ACSM2B: variants seen among roughly 807,000 people sequenced by gnomAD.
ACSM2B encodes the protein acyl-CoA synthetase medium chain family member 2B, also known as acyl-coenzyme A synthetase ACSM2B, mitochondrial.
Under a neutral mutation model 78.6 loss-of-function variants are expected in ACSM2B, and 58 were observed. That is an observed-to-expected ratio of 0.74 (90% CI 0.60 to 0.92). The LOEUF (loss-of-function observed/expected upper bound fraction) is 0.92, where lower values mean the gene tolerates loss of function less well. ACSM2B is among the 40% of genes least tolerant of loss of function. The probability of loss-of-function intolerance (pLI) is 0.00; values close to 1 mark genes in which losing one functional copy is unlikely to be tolerated. For synonymous variants in ACSM2B, 257 were observed against 256.8 expected (o/e 1.00, Z -0.01); for missense variants, 688 against 711.2 (o/e 0.97, Z 0.37).
At chr16:20,567,795 A>C (rs1247828992) in intron 1 of ACSM2B, among the ~76,000 whole-genome samples, 1 of 140,816 alleles carries the variant, frequency 7.1e-6, no homozygotes, top group Non-Finnish European at 1.5e-5. Flanking sequence ...AATATATATG[A>C]TATATAATAG....
At chr16:20,555,123 G>C in intron 4 of ACSM2B, 146 bp downstream of exon 4, 5 of 1,307,466 alleles carry the variant, frequency 3.8e-6, no homozygotes, top group Non-Finnish European at 5.2e-6. Flanking sequence ...AAAAACCCTT[G>C]TATTAGCTTT....
intron 10 of ACSM2B, among the ~76,000 whole-genome samples, chr16:20,544,032 C>A (rs1182890027): frequency 1.3e-5 from 2 of 152,188 alleles, no homozygotes; most frequent in African/African-American, 4.8e-5. Context: ...TTCTCATGGG[C>A]ATCATGGAGC....
rs571061385 is a variant in ACSM2B at position 20,547,050 on chromosome 16, G to T, written c.1099-576C>A. On this transcript the variant is annotated intron_variant, in intron 8 of 13. Coordinates refer to ENST00000329697, the MANE Select transcript of ACSM2B (RefSeq NM_001105069.2). ...TTCCCAACAGAATAACAGATGAGTG[G>T]TGGATGCCTCACTGACAGAGACACA... 31 of 895,178 alleles carry T rather than the reference G, an allele frequency of 3.5e-5. 1 individual carries two copies. The East Asian group carries it at 2.0e-3, about 58-fold the overall frequency. The allele number at this position is 895,178 out of a possible 1,614,324, so 55.5% of individuals were successfully genotyped here.
intron 5 of ACSM2B, 83 bp from the exon 6 acceptor site, chr16:20,552,380 G>T: frequency 1.3e-6 from 2 of 1,524,364 alleles, no homozygotes; most frequent in Non-Finnish European, 1.8e-6. Flanking sequence ...GGGGAGGAAA[G>T]GGAGGTGTGT....
intron 3 of ACSM2B, 116 bp downstream of exon 3, chr16:20,559,121 G>T (rs1322498135): frequency 3.2e-5 from 47 of 1,461,696 alleles, no homozygotes; most frequent in Middle Eastern, 2.3e-4. Context: ...CTTCATATGA[G>T]AGAGGACAGC....
At position 20,542,955 on chromosome 16, in the gene ACSM2B, C is replaced by A; in HGVS notation, c.1468G>T (p.Glu490Ter). Reference protein sequence around the residue: ...NALMKHPAVVETAVISSPDPV... With the variant: ...NALMKHPAVV ...TCTGGGCTGCTGATCACAGCCGTCT[C>A]AACCACAGCAGGGTGCTTCATCAGT... Residue 490 changes from glutamate to a stop codon, truncating the protein, a stop_gained, in exon 12 of 14, where the codon GAG (glutamate) becomes TAG (stop). Transcript: ENST00000329697. LOFTEE classifies it high-confidence loss of function. The A allele has an allele frequency of 6.2e-7, 1 of 1,613,774 alleles. No homozygotes were observed.
intron 10 of ACSM2B, among the ~76,000 whole-genome samples, chr16:20,543,468 G>C (rs1208105475): frequency 3.9e-5 from 6 of 152,218 alleles, no homozygotes; most frequent in Non-Finnish European, 7.3e-5. Context: ...ATTCCACCCA[G>C]GGTGTCTCAG....
At chr16:20,572,144 C>T (rs199867838) in intron 1 of ACSM2B, among the ~76,000 whole-genome samples, 21 of 150,310 alleles carry the variant, frequency 1.4e-4, no homozygotes, top group East Asian at 8.0e-4. Context: ...GGGTTTTTTT[C>T]TTTATTGTAT....
chr16:20,537,108 G>T lies in ACSM2B; in HGVS notation c.*150C>A. On this transcript the variant is annotated 3_prime_UTR_variant, in exon 14 of 14. Transcript: ENST00000329697. ...CTTTCTTATTTCAATATCTAACATA[G>T]TAATGTTTTGTGCTAATAACCAGGG... is the stretch of plus-strand genomic sequence containing the variant. The T allele has an allele frequency of 3.4e-6, 3 of 874,922 alleles. No homozygotes were observed. Among genetic ancestry groups the T allele is most frequent in the Non-Finnish European group, 5.4e-6 (3 of 554,260 alleles). 54.2% of individuals were successfully genotyped at this position (874,922 alleles called of 1,614,324 possible).
At chr16:20,566,320 A>G (rs2015839067) in intron 1 of ACSM2B, among the ~76,000 whole-genome samples, 1 of 130,126 alleles carries the variant, frequency 7.7e-6, no homozygotes, top group South Asian at 2.4e-4. Context: ...TATATCCATC[A>G]GCTTGGAATG....
chr16:20,543,739 A>C (rs534908402), intron 10 of ACSM2B, among the ~76,000 whole-genome samples: 3 of 152,208 alleles, frequency 2.0e-5, no homozygotes, highest in African/African-American at 7.2e-5. Flanking sequence ...GGGTCCCTCT[A>C]TTCAGCTGAG....
chr16:20,547,895 T>G, intron 8 of ACSM2B, 167 bp downstream of exon 8: 2 of 1,452,352 alleles, frequency 1.4e-6, no homozygotes, highest in South Asian at 1.5e-5. Flanking sequence ...TTGCCTTTTT[T>G]GTTCTGTGCT....
rs181720430 is a variant in ACSM2B at position 20,543,593 on chromosome 16, C to A, written c.1282-331G>T. ...TTTCATAGATATCCTAATCTCTGTT[C>A]ACTCCATAGCACCACTCAAAGCTAT... On this transcript the variant is annotated intron_variant, in intron 10 of 13. Coordinates refer to ENST00000329697, the MANE Select transcript of ACSM2B (RefSeq NM_001105069.2). Among the ~76,000 whole-genome samples the A allele has an allele frequency of 5.9e-5, 9 of 152,332 alleles. No individual in the cohort carries two copies. In the East Asian group the frequency reaches 1.7e-3, roughly 29 times the overall value.
intron 10 of ACSM2B, chr16:20,544,490 G>A: frequency 2.6e-6 from 2 of 778,538 alleles, no homozygotes; most frequent in Non-Finnish European, 3.1e-6. Context: ...AACAATGCTT[G>A]CCTCATGGTA....
At chr16:20,558,644 T>G (rs2015547498) in intron 3 of ACSM2B, among the ~76,000 whole-genome samples, 1 of 152,146 alleles carries the variant, frequency 6.6e-6, no homozygotes, top group South Asian at 2.1e-4. Context: ...CCATTGAGAC[T>G]TAGTTGCTCC....
chr16:20,549,840 T>G (rs1328380491), intron 6 of ACSM2B: 1 of 448,188 alleles, frequency 2.2e-6, no homozygotes, highest in South Asian at 1.6e-5. Context: ...TAGATTTAAA[T>G]TTTTTCTGGT....
rs2015897558 is a variant in ACSM2B at position 20,566,749 on chromosome 16, AC to A, written c.-8-1897del. On this transcript the variant is annotated intron_variant, in intron 1 of 13. Transcript: ENST00000329697. The stretch of plus-strand genomic sequence containing the variant: ...ACTATATATAGTATATACTATATAT[AC>A]TATATATAGTATATATAGATATATA... 1.2e-4 allele frequency among the ~76,000 whole-genome samples: 10 copies of A among 82,476 alleles called. 2 individuals carry two copies. In the South Asian group the frequency reaches 2.9e-3, roughly 24 times the overall value. 54.1% of individuals were successfully genotyped at this position (82,476 alleles called of 152,430 possible).
At chr16:20,569,155 G>C (rs1367287313) in intron 1 of ACSM2B, among the ~76,000 whole-genome samples, 1 of 151,794 alleles carries the variant, frequency 6.6e-6, no homozygotes, top group Non-Finnish European at 1.5e-5. Context: ...ATGTCTACAA[G>C]GGTTTTTCTG....
rs369286894 is a variant in ACSM2B at position 20,566,649 on chromosome 16, AC to A, written c.-8-1797del. Among the ~76,000 whole-genome samples the A allele has an allele frequency of 9.4e-3, 456 of 48,264 alleles. 46 individuals carry two copies. The East Asian group carries it at 0.12, about 13-fold the overall frequency. 31.7% of individuals were successfully genotyped at this position (48,264 alleles called of 152,430 possible). On this transcript the variant is annotated intron_variant, in intron 1 of 13. Transcript: ENST00000329697. ...ACTATATATAGTATATATATACTATACTATATATATGTATATATAGTATATA... is the reference window on the plus strand; with the variant it reads ...ACTATATATAGTATATATATACTATATATATATATGTATATATAGTATATA...
Sources: gnomAD v4.1 joint callset for allele counts (sites outside exome capture counted in the v4.1 genomes callset) on GRCh38, gnomAD v4.1.1 for gene constraint, MANE v1.5 for transcripts, NCBI Gene and HGNC (gene_info 2026-07-23, HGNC 2026-07-21) for gene names.